Variants in SLC14A2 observed in about 807,000 individuals in gnomAD.
SLC14A2 encodes the protein solute carrier family 14 member 2.
Under a neutral mutation model 104.6 loss-of-function variants are expected in SLC14A2, and 91 were observed. The observed-to-expected ratio is 0.87, with a 90% confidence interval of 0.73 to 1.04. SLC14A2 has a LOEUF of 1.04. Ranked by LOEUF, SLC14A2 falls within the 50% of genes least tolerant of loss-of-function variation. SLC14A2 has a pLI of 0.00. For missense variants in SLC14A2, 1,189 were observed against 1,156.0 expected, an observed-to-expected ratio of 1.03 and a Z score of -0.41; for synonymous variants, 476 against 466.4, an observed-to-expected ratio of 1.02 and a Z score of -0.27.
intron 1 of SLC14A2, among the ~76,000 whole-genome samples, chr18:45,405,682 C>T (rs988752937): frequency 6.6e-6 from 1 of 152,082 alleles, no homozygotes; most frequent in Non-Finnish European, 1.5e-5. Context: ...GCAGGTGGAT[C>T]TTTTGAGATC....
chr18:45,250,803 A>G (rs1367056529), intron 1 of SLC14A2, among the ~76,000 whole-genome samples: 1 of 142,528 alleles, frequency 7.0e-6, no homozygotes, highest in Non-Finnish European at 1.5e-5. Context: ...CGGGTGAGAA[A>G]GAAGGTTATC....
chr18:45,381,089 C>T (rs1461746483), intron 1 of SLC14A2, among the ~76,000 whole-genome samples: 1 of 152,182 alleles, frequency 6.6e-6, no homozygotes, highest in Non-Finnish European at 1.5e-5. Flanking sequence ...AGCTTCATAG[C>T]TTGAGTCCTC....
At chr18:45,180,399 T>G in the SLC14A2 span, among the ~76,000 whole-genome samples, 4 of 152,298 alleles carry the variant, frequency 2.6e-5, no homozygotes, top group African/African-American at 9.6e-5. Flanking sequence ...CATGCAGGTA[T>G]TTGTTGATTA....
intron 1 of SLC14A2, among the ~76,000 whole-genome samples, chr18:45,336,947 C>T (rs1466096151): frequency 6.6e-6 from 1 of 151,440 alleles, no homozygotes; most frequent in African/African-American, 2.4e-5. Flanking sequence ...GTTAAAGTGG[C>T]TCCAATGGAA....
intron 6 of SLC14A2, among the ~76,000 whole-genome samples, chr18:45,637,674 CTTGGAGACA>C (rs1020654594): frequency 6.6e-6 from 1 of 152,136 alleles, no homozygotes; most frequent in African/African-American, 2.4e-5. Context: ...AATTTTGCCC[CTTGGAGACA>C]TTAGGCAATG....
At chr18:45,462,530 G>C (rs1279001092) in intron 1 of SLC14A2, among the ~76,000 whole-genome samples, 1 of 152,248 alleles carries the variant, frequency 6.6e-6, no homozygotes, top group Admixed American at 6.5e-5. Flanking sequence ...AGCAGAGAAA[G>C]AGTGTAGTCA....
chr18:45,229,551 T>C (rs1010281205), intron 1 of SLC14A2, among the ~76,000 whole-genome samples: 5 of 152,188 alleles, frequency 3.3e-5, no homozygotes, highest in Non-Finnish European at 7.3e-5. Context: ...AGCTTCCATC[T>C]ACCTAAAATT....
intron 1 of SLC14A2, among the ~76,000 whole-genome samples, chr18:45,324,047 C>A (rs963638442): frequency 6.6e-6 from 1 of 152,164 alleles, no homozygotes; most frequent in Admixed American, 6.5e-5. Context: ...CACAAAAACC[C>A]TTTCTTTAGT....
intron 2 of SLC14A2, among the ~76,000 whole-genome samples, chr18:45,570,115 G>A (rs953796542): frequency 6.6e-6 from 1 of 152,174 alleles, no homozygotes; most frequent in Non-Finnish European, 1.5e-5. Context: ...GCTGGAGAGG[G>A]AGCAATGTGG....
intron 2 of SLC14A2, chr18:45,529,033 TA>T: frequency 6.6e-6 from 1 of 152,112 alleles, no homozygotes; most frequent in Admixed American, 6.5e-5. Flanking sequence ...CCACATGGAG[TA>T]AAATCAAGAC....
At chr18:45,280,210 A>T (rs2084747826) in intron 1 of SLC14A2, among the ~76,000 whole-genome samples, 1 of 152,156 alleles carries the variant, frequency 6.6e-6, no homozygotes, top group African/African-American at 2.4e-5. Context: ...CCTGACCTCA[A>T]TGGGGTTGTA....
intron 1 of SLC14A2, among the ~76,000 whole-genome samples, chr18:45,422,205 TG>T (rs1187033515): frequency 6.6e-6 from 1 of 152,104 alleles, no homozygotes; most frequent in Non-Finnish European, 1.5e-5. Context: ...AAGAGGACAC[TG>T]GGTACTCTCA....
the SLC14A2 span, among the ~76,000 whole-genome samples, chr18:45,192,614 TTGTGTGTG>T: frequency 6.8e-6 from 1 of 146,614 alleles, no homozygotes; most frequent in African/African-American, 2.5e-5. Flanking sequence ...GGTAGTGGTT[TTGTGTGTG>T]TGTGTGTGTG....
chr18:45,238,590 G>T (rs1167180146), intron 1 of SLC14A2, among the ~76,000 whole-genome samples: 3 of 152,144 alleles, frequency 2.0e-5, no homozygotes, highest in East Asian at 1.9e-4. Context: ...TCAGACCAAT[G>T]ATTTTATTTT....
At chr18:45,476,714 C>A (rs1412860534) in intron 1 of SLC14A2, among the ~76,000 whole-genome samples, 1 of 152,082 alleles carries the variant, frequency 6.6e-6, no homozygotes, top group Admixed American at 6.6e-5. Flanking sequence ...TGTCTTCATC[C>A]TTTATTTCAT....
chr18:45,637,925 G>A (rs1371892458), intron 6 of SLC14A2, among the ~76,000 whole-genome samples: 1 of 152,178 alleles, frequency 6.6e-6, no homozygotes, highest in African/African-American at 2.4e-5. Context: ...TGCGGCCTGG[G>A]AGCAGCGTGC....
rs1331540151 is a variant in SLC14A2, at chr18:45,282,204, A to G, written c.-125+69013A>G. The stretch of plus-strand genomic sequence containing the variant: ...GAACTGGTGACACCTTCAGAAGAGA[A>G]GTCCATCAGGCCCTTCTTAGTCCAG... On this transcript the variant is annotated intron_variant, in intron 1 of 20. Coordinates refer to the SLC14A2 transcript ENST00000586448. 3.3e-5 allele frequency among the ~76,000 whole-genome samples: 5 copies of G among 152,244 alleles called. No homozygotes were observed. In the South Asian group the frequency reaches 8.3e-4, roughly 25 times the overall value.
chr18:45,426,051 A>G (rs1379625710), intron 1 of SLC14A2, among the ~76,000 whole-genome samples: 1 of 152,118 alleles, frequency 6.6e-6, no homozygotes. Flanking sequence ...CTGGGAGCAA[A>G]GGGGAAGTCT....
intron 10 of SLC14A2, among the ~76,000 whole-genome samples, chr18:45,645,750 A>G (rs2045614471): frequency 6.6e-6 from 1 of 151,964 alleles, no homozygotes; most frequent in Non-Finnish European, 1.5e-5. Context: ...ATTATAGCAT[A>G]AAAGTAGCCA....
Sources: allele counts gnomAD v4.1 joint callset (sites outside exome capture counted in the v4.1 genomes callset), GRCh38; gene constraint gnomAD v4.1.1; transcripts MANE v1.5; gene names NCBI Gene and HGNC (gene_info 2026-07-23, HGNC 2026-07-21).